COBL: variants seen among roughly 807,000 people sequenced by gnomAD.
The protein encoded by COBL is protein cordon-bleu.
COBL carries 51 observed loss-of-function variants against 98.8 expected under a neutral mutation model. That is an observed-to-expected ratio of 0.52 (90% CI 0.41 to 0.65). COBL has a LOEUF of 0.65. Ranked by LOEUF, COBL falls within the 30% of genes least tolerant of loss-of-function variation. COBL has a pLI of 0.00. For synonymous variants in COBL, 634 were observed against 651.7 expected (o/e 0.97, Z 0.41); for missense variants, 1,617 against 1,617.5 (o/e 1.00, Z 0.01).
chr7:51,264,672 C>CAAAAAA, intron 1 of COBL, among the ~76,000 whole-genome samples: 1 of 48,350 alleles, frequency 2.1e-5, no homozygotes, highest in Non-Finnish European at 4.6e-5. Context: ...CTCCATCTCC[C>CAAAAAA]AAAAAAAAAA....
intron 6 of COBL, among the ~76,000 whole-genome samples, chr7:51,115,365 T>C (rs1208219831): frequency 6.6e-6 from 1 of 152,070 alleles, no homozygotes; most frequent in Non-Finnish European, 1.5e-5. Context: ...GAATCTTAAG[T>C]CTTTGATTCT....
rs757211781 is a variant in COBL at position 51,193,387 on chromosome 7, C to A, written c.448G>T (p.Val150Leu). 6.2e-7 allele frequency: 1 copy of A among 1,614,154 alleles called. No individual in the cohort carries two copies. Among genetic ancestry groups the A allele is most frequent in the Non-Finnish European group, 8.5e-7 (1 of 1,180,010 alleles). ...EEKVKPGPPKVPEKSVRLVVN... is the reference protein window; with the variant it reads ...EEKVKPGPPKLPEKSVRLVVN... ...TGTAGGTACCTACTAACCTCAGGCA[C>A]CTTAGGGGGACCAGGCTTAACCTTC... The change falls in exon 3 of 13, where the codon GTG (valine) becomes TTG (leucine). Residue 150 changes from valine to leucine, a missense_variant. This residue lies in a region of COBL where 238 missense variants were observed against 215.0 expected (regional missense o/e 1.11). Coordinates refer to ENST00000265136, the MANE Select transcript of COBL (RefSeq NM_015198.5).
Position 51,278,076 on chromosome 7 carries a change from A to G in COBL, c.41+38517T>C, listed in dbSNP as rs77811153. 7.7e-3 allele frequency among the ~76,000 whole-genome samples: 1,175 copies of G among 152,300 alleles called. 59 individuals are homozygous for G. In the South Asian group the frequency reaches 0.13, roughly 17 times the overall value. On this transcript the variant is annotated intron_variant, in intron 1 of 12. Coordinates refer to ENST00000265136, the MANE Select transcript of COBL (RefSeq NM_015198.5). ...TCAACTACAATCATCTCTCTGAATC[A>G]TATCTCTGAACTAAAAACATAGTGG...
At chr7:51,150,914 CAGTTGGTTCTTTCT>C (rs1288033020) in intron 5 of COBL, among the ~76,000 whole-genome samples, 2 of 152,182 alleles carry the variant, frequency 1.3e-5, no homozygotes, top group South Asian at 4.1e-4. Context: ...TTCAGATGCT[CAGTTGGTTCTTTCT>C]AGTCGCAGAG....
chr7:51,220,981 C>T (rs751450417), intron 1 of COBL, among the ~76,000 whole-genome samples: 6 of 151,846 alleles, frequency 4.0e-5, no homozygotes, highest in Non-Finnish European at 7.4e-5. Context: ...TTATATAGGC[C>T]CTGGTATTTT....
In COBL at chr7:51,210,333, C is replaced by T. The variant is rs544767871; in HGVS notation, c.245+9408G>A. Among the ~76,000 whole-genome samples, 31 of 152,274 alleles carry T rather than the reference C, an allele frequency of 2.0e-4. 1 individual carries two copies. The highest frequency in any genetic ancestry group is 6.5e-4 in the African/African-American group (27 of 41,542). Reference sequence around the variant, plus strand: ...CCTATAAGGACATGATACTAAAACCCAGTCCCCACAGACATGAGTTATCAG... The same window carrying T: ...CCTATAAGGACATGATACTAAAACCTAGTCCCCACAGACATGAGTTATCAG... On this transcript the variant is annotated intron_variant, in intron 2 of 12. Transcript: ENST00000265136.
rs59259411 is a variant in COBL, at chr7:51,313,636, A to G, written c.41+2957T>C. ...TTCTACAGAAACATGTCTTTCCTCC[A>G]TAGGAAAAAAAAAATTAAGCATGGT... On this transcript the variant is annotated intron_variant, in intron 1 of 12. Transcript: ENST00000265136. Among the ~76,000 whole-genome samples the G allele has an allele frequency of 8.1e-3, 1,237 of 152,328 alleles. 19 individuals are homozygous for G. Among genetic ancestry groups the G allele is most frequent in the African/African-American group, 0.028 (1,176 of 41,570 alleles).
chr7:51,200,417 T>C (rs921386893), intron 2 of COBL, among the ~76,000 whole-genome samples: 19 of 152,286 alleles, frequency 1.2e-4, no homozygotes, highest in African/African-American at 4.3e-4. Context: ...TCAGAATAAA[T>C]ATACCCACAT....
intron 5 of COBL, among the ~76,000 whole-genome samples, chr7:51,182,285 CTTT>C (rs59385484): frequency 7.0e-5 from 10 of 143,118 alleles, no homozygotes; most frequent in Admixed American, 2.8e-4. Context: ...TTCTGATTCT[CTTT>C]TTTTTTTTTT....
chr7:51,094,718 A>G (rs962853268), intron 6 of COBL, among the ~76,000 whole-genome samples: 1 of 152,198 alleles, frequency 6.6e-6, no homozygotes, highest in Non-Finnish European at 1.5e-5. Context: ...AGACAAATAC[A>G]TAATCCTGGA....
intron 1 of COBL, among the ~76,000 whole-genome samples, chr7:51,307,381 A>G (rs180965530): frequency 1.1e-3 from 162 of 152,128 alleles, no homozygotes; most frequent in African/African-American, 3.7e-3. Context: ...CAAAAACAAA[A>G]AAAGGAGAGG....
At chr7:51,152,179 G>C (rs983620273) in intron 5 of COBL, among the ~76,000 whole-genome samples, 1 of 152,226 alleles carries the variant, frequency 6.6e-6, no homozygotes, top group African/African-American at 2.4e-5. Flanking sequence ...ACGCACAAGG[G>C]ACAGGCCCAA....
intron 5 of COBL, among the ~76,000 whole-genome samples, chr7:51,138,690 G>A (rs1462142374): frequency 6.6e-6 from 1 of 152,186 alleles, no homozygotes; most frequent in East Asian, 1.9e-4. Flanking sequence ...TCACAAACGT[G>A]CACTCACACA....
At position 51,028,639 on chromosome 7, in the gene COBL, C is replaced by T. The variant is rs1483082677; in HGVS notation, c.2457G>A (p.Lys819=). Residue 819 remains lysine (K), a synonymous_variant, in exon 10 of 13, where the codon AAG becomes AAA. Coordinates refer to ENST00000265136, the MANE Select transcript of COBL (RefSeq NM_015198.5). ...ADPKPISPQQ[K]SAHHEGRNPL... The stretch of plus-strand genomic sequence containing the variant: ...GGTTCCGGCCCTCATGGTGGGCAGA[C>T]TTCTGCTGGGGCGATATTGGCTTGG... 1.2e-6 allele frequency: 2 copies of T among 1,613,116 alleles called. No homozygotes were observed. Among genetic ancestry groups the T allele is most frequent in the African/African-American group, 1.3e-5 (1 of 74,884 alleles).
At chr7:51,148,495 G>A (rs748660795) in intron 5 of COBL, among the ~76,000 whole-genome samples, 8 of 152,128 alleles carry the variant, frequency 5.3e-5, no homozygotes, top group South Asian at 2.1e-4. Flanking sequence ...CTGACACAGC[G>A]GCTTCCAAGG....
chr7:51,316,274 T>C (rs890202358), intron 1 of COBL: 10 of 238,950 alleles, frequency 4.2e-5, no homozygotes, highest in African/African-American at 2.3e-4. Flanking sequence ...TGAGGAAAGC[T>C]CGGAGCTGAG....
At chr7:51,168,638 G>A (rs1447030595) in intron 5 of COBL, among the ~76,000 whole-genome samples, 2 of 152,150 alleles carry the variant, frequency 1.3e-5, no homozygotes, top group African/African-American at 4.8e-5. Flanking sequence ...TGAAGATGTG[G>A]AGAAAAGGGA....
chr7:51,301,236 C>T lies in COBL; in HGVS notation c.41+15357G>A, dbSNP rs560815332. ...CTCTGAGACTGGAGCCTCTGGAGGA[C>T]GCTCACCCTTTATCCTCTTCTGGGC... is the stretch of plus-strand genomic sequence containing the variant. On this transcript the variant is annotated intron_variant, in intron 1 of 12. Transcript: ENST00000265136. Among the ~76,000 whole-genome samples the T allele has an allele frequency of 3.9e-5, 6 of 152,284 alleles. No homozygotes were observed. The South Asian group carries it at 1.2e-3, about 32-fold the overall frequency.
chr7:51,225,326 G>A (rs1794079899), intron 1 of COBL, among the ~76,000 whole-genome samples: 1 of 152,228 alleles, frequency 6.6e-6, no homozygotes, highest in Non-Finnish European at 1.5e-5. Flanking sequence ...CTGAGACTCA[G>A]ATGCATGTGG....
Sources: gnomAD v4.1 joint callset for allele counts (sites outside exome capture counted in the v4.1 genomes callset) on GRCh38, gnomAD v4.1.1 for gene constraint, gnomAD v4.1.1 regional missense constraint, MANE v1.5 for transcripts, NCBI Gene and HGNC (gene_info 2026-07-23, HGNC 2026-07-21) for gene names.